KATNAL2: variants seen among roughly 807,000 people sequenced by gnomAD.
KATNAL2 encodes the protein katanin p60 ATPase-containing subunit A-like 2.
Under a neutral mutation model 76.3 loss-of-function variants are expected in KATNAL2, and 52 were observed. The ratio of observed to expected loss-of-function variants is 0.68; its 90% confidence interval spans 0.55 to 0.86. The LOEUF is 0.86. Among genes scored for constraint, KATNAL2 ranks in the 40% least tolerant of loss-of-function variants. KATNAL2 has a pLI of 0.00. For synonymous variants in KATNAL2, 243 were observed against 244.2 expected (o/e 1.00, Z 0.05); for missense variants, 660 against 668.9 (o/e 0.99, Z 0.15).
At chr18:47,098,267 G>T in intron 15 of KATNAL2, 1 of 378,664 alleles carries the variant, frequency 2.6e-6, no homozygotes. Context: ...TGCTGGTGAA[G>T]ACATATCCAA....
At position 47,100,312 on chromosome 18, in the gene KATNAL2, G is replaced by A. The variant is rs143203686; in HGVS notation, c.1433G>A (p.Arg478Gln). 6.3e-5 allele frequency: 102 copies of A among 1,614,070 alleles called. No individual in the cohort carries two copies. Among genetic ancestry groups the A allele is most frequent in the East Asian group, 5.1e-4 (23 of 44,872 alleles). The change falls in exon 17 of 18, where the codon CGG (arginine) becomes CAG (glutamine). Residue 478 changes from arginine (R) to glutamine (Q), a missense_variant. Physicochemically the swap from Arg to Gln is conservative, Grantham distance 43 (BLOSUM62 1). Transcript: ENST00000683218. ...IKLVCREAAM[R>Q]PVRKIFDALE... is the part of the protein sequence containing the mutation. ...CTCGTCTGCAGGGAAGCAGCCATGCGGCCCGTGAGGAAGATCTTTGATGCA... is the reference window on the plus strand; with the variant it reads ...CTCGTCTGCAGGGAAGCAGCCATGCAGCCCGTGAGGAAGATCTTTGATGCA...
rs140724366 is a variant in KATNAL2 at position 46,945,453 on chromosome 18, A to G, written c.-509-604A>G. The stretch of plus-strand genomic sequence containing the variant: ...GTGAGAGTGGTTCTCCAAGCCAAAT[A>G]AACTACTCATTAGTCATTCACAAGC... On this transcript the variant is annotated intron_variant, in intron 1 of 17. Coordinates refer to ENST00000683218, the MANE Select transcript of KATNAL2 (RefSeq NM_001387690.1). Among the ~76,000 whole-genome samples the G allele has an allele frequency of 1.1e-3, 172 of 152,304 alleles. 1 individual carries two copies. Among genetic ancestry groups the G allele is most frequent in the Non-Finnish European group, 1.5e-3 (101 of 68,026 alleles).
At chr18:47,056,494 T>C (rs1386433603) in intron 6 of KATNAL2, among the ~76,000 whole-genome samples, 3 of 152,184 alleles carry the variant, frequency 2.0e-5, no homozygotes, top group African/African-American at 4.8e-5. Context: ...CCTTAGAACA[T>C]TGCAGGAACA....
chr18:46,955,429 G>T (rs982727533), intron 3 of KATNAL2, among the ~76,000 whole-genome samples: 1 of 150,938 alleles, frequency 6.6e-6, no homozygotes, highest in South Asian at 2.1e-4. Flanking sequence ...TCTTCTTGTT[G>T]ATCGGGCTGG....
At chr18:47,054,684 G>T in intron 6 of KATNAL2, 1 of 451,586 alleles carries the variant, frequency 2.2e-6, no homozygotes, top group African/African-American at 2.0e-5. Context: ...CAGGCCATGT[G>T]GTATGAAAAG....
intron 8 of KATNAL2, 41 bp downstream of exon 8, chr18:47,059,695 T>G: frequency 7.6e-7 from 1 of 1,323,070 alleles, no homozygotes. Context: ...AGTGGTAATT[T>G]CTTTTTCCTT....
chr18:47,098,382 G>A (rs2063341114), intron 15 of KATNAL2: 1 of 215,854 alleles, frequency 4.6e-6, no homozygotes, highest in African/African-American at 2.3e-5. Flanking sequence ...GTGGCAGCAA[G>A]AGAAAATGAG....
At chr18:46,924,492 T>C (rs1264649013) in intron 1 of KATNAL2, among the ~76,000 whole-genome samples, 1 of 152,228 alleles carries the variant, frequency 6.6e-6, no homozygotes, top group East Asian at 1.9e-4. Context: ...TGTAGTATAG[T>C]TTGAAGTCAG....
chr18:46,933,975 A>G (rs918577954), intron 1 of KATNAL2, among the ~76,000 whole-genome samples: 1 of 149,562 alleles, frequency 6.7e-6, no homozygotes, highest in Non-Finnish European at 1.5e-5. Flanking sequence ...AAGGACATGA[A>G]CTCATCATTT....
At chr18:46,949,262 T>C (rs1358575327) in intron 3 of KATNAL2, among the ~76,000 whole-genome samples, 2 of 152,048 alleles carry the variant, frequency 1.3e-5, no homozygotes, top group Non-Finnish European at 2.9e-5. Flanking sequence ...CTTCTCCTTC[T>C]TCTTTTCTTC....
rs201249053 is a variant in KATNAL2, at chr18:47,067,128, G to A, written c.825+9G>A. ...TTGTGTATCCTATAAGGGTAAGGAC[G>A]GGAAGCCTCTTGGGGGTTATTTCTG... On this transcript the variant is annotated intron_variant, in intron 11 of 17. Coordinates refer to ENST00000683218, the MANE Select transcript of KATNAL2 (RefSeq NM_001387690.1). 1.2e-4 allele frequency: 170 copies of A among 1,460,720 alleles called. No homozygotes were observed. The highest frequency in any genetic ancestry group is 7.1e-4 in the Middle Eastern group (4 of 5,634). 90.5% of individuals were successfully genotyped at this position (1,460,720 alleles called of 1,614,324 possible). A position where few individuals can be genotyped will look rare whatever the true frequency, so the allele number is the denominator to read the frequency against.
At chr18:46,967,935 A>G (rs1428625053) in intron 3 of KATNAL2, among the ~76,000 whole-genome samples, 2 of 118,978 alleles carry the variant, frequency 1.7e-5, no homozygotes, top group Admixed American at 7.7e-5. Context: ...GATAAACAGC[A>G]GGTTTCTTTG....
chr18:47,067,004 T>G lies in KATNAL2; in HGVS notation c.727-17T>G. ...GAAAACATCAGTTTTAAAAAAATGA[T>G]CAAATGTGCATTGCAGGACATTTAT... On this transcript the variant is annotated splice_polypyrimidine_tract_variant and intron_variant, in intron 10 of 17. Coordinates refer to ENST00000683218, the MANE Select transcript of KATNAL2 (RefSeq NM_001387690.1). The G allele has an allele frequency of 1.4e-6, 2 of 1,477,878 alleles. No individual in the cohort carries two copies. Among genetic ancestry groups the G allele is most frequent in the Non-Finnish European group, 1.9e-6 (2 of 1,069,544 alleles). 91.5% of individuals were successfully genotyped at this position (1,477,878 alleles called of 1,614,324 possible).
chr18:47,075,660 A>G (rs903120229), intron 14 of KATNAL2, among the ~76,000 whole-genome samples: 5 of 152,142 alleles, frequency 3.3e-5, no homozygotes, highest in African/African-American at 1.2e-4. Flanking sequence ...CCAGGCTGCC[A>G]TATCGGTTCT....
chr18:47,097,118 CAAAAAAA>C (rs58101085), intron 15 of KATNAL2, among the ~76,000 whole-genome samples: 5 of 70,908 alleles, frequency 7.1e-5, no homozygotes, highest in Non-Finnish European at 1.3e-4. Context: ...GACCCTGGCT[CAAAAAAA>C]AAAAAAAAAA....
rs573640854 is a variant in KATNAL2, at chr18:47,070,119, G to T, written c.1008+519G>T. Among the ~76,000 whole-genome samples, 14 of 124,612 alleles carry T rather than the reference G, an allele frequency of 1.1e-4. No individual in the cohort carries two copies. In the South Asian group the frequency reaches 3.6e-3, roughly 32 times the overall value. The allele number at this position is 124,612 out of a possible 152,430, so 81.8% of individuals were successfully genotyped here. On this transcript the variant is annotated intron_variant, in intron 13 of 17. Coordinates refer to ENST00000683218, the MANE Select transcript of KATNAL2 (RefSeq NM_001387690.1). ...TTTCTTTTTTTTTTTTTTTTTAGACGAAGTCTCGCTCTTGTCCCCAAGGCT... is the reference window on the plus strand; with the variant it reads ...TTTCTTTTTTTTTTTTTTTTTAGACTAAGTCTCGCTCTTGTCCCCAAGGCT...
At position 47,050,336 on chromosome 18, in the gene KATNAL2, G is replaced by A. The variant is rs188724231; in HGVS notation, c.123-2544G>A. Among the ~76,000 whole-genome samples, 411 of 152,288 alleles carry A rather than the reference G, an allele frequency of 2.7e-3. 3 individuals are homozygous for A. Among genetic ancestry groups the A allele is most frequent in the African/African-American group, 9.6e-3 (398 of 41,570 alleles). ...ACATAGTAACAGAATCTCAGTAAAT[G>A]TTATTTGCATAGCCATTGAGGAACT... On this transcript the variant is annotated intron_variant, in intron 4 of 17. Coordinates refer to ENST00000683218, the MANE Select transcript of KATNAL2 (RefSeq NM_001387690.1).
intron 1 of KATNAL2, among the ~76,000 whole-genome samples, chr18:46,919,132 C>G (rs2146445969): frequency 6.6e-6 from 1 of 151,704 alleles, no homozygotes; most frequent in East Asian, 2.0e-4. Flanking sequence ...AGGTGGATCA[C>G]TTGAGGTCGG....
chr18:46,948,888 TTGTGTGTGTGTGTGTGTG>T (rs71264810), intron 3 of KATNAL2, among the ~76,000 whole-genome samples: 1 of 145,796 alleles, frequency 6.9e-6, no homozygotes, highest in South Asian at 2.2e-4. Context: ...AGTATCTGCA[TTGTGTGTGTGTGTGTGTG>T]TGTGTGTGTG....
Sources: gnomAD v4.1 joint callset for allele counts (sites outside exome capture counted in the v4.1 genomes callset) on GRCh38, gnomAD v4.1.1 for gene constraint, MANE v1.5 for transcripts, NCBI Gene and HGNC (gene_info 2026-07-23, HGNC 2026-07-21) for gene names.